PTN: variants seen among roughly 807,000 people sequenced by gnomAD.
The protein encoded by PTN is pleiotrophin.
In PTN, 18 loss-of-function variants were observed where a neutral mutation model predicts 24.1. The ratio of observed to expected loss-of-function variants is 0.75; its 90% CI spans 0.52 to 1.11. The LOEUF is 1.11. Ranked by LOEUF, PTN falls within the 50% of genes least tolerant of loss-of-function variation. The pLI is 0.00. For synonymous variants in PTN, 78 were observed against 68.6 expected (o/e 1.14, Z -0.67); for missense variants, 163 against 198.8 (o/e 0.82, Z 1.08).
At chr7:137,259,597 C>G (rs1386722581) in intron 1 of PTN, among the ~76,000 whole-genome samples, 1 of 151,142 alleles carries the variant, frequency 6.6e-6, no homozygotes, top group African/African-American at 2.4e-5. Context: ...TTATTACTTA[C>G]TACAAAGAAG....
At chr7:137,317,891 G>A (rs767396515) in intron 1 of PTN, among the ~76,000 whole-genome samples, 2 of 152,134 alleles carry the variant, frequency 1.3e-5, no homozygotes, top group East Asian at 1.9e-4. Context: ...AGTACCCTGG[G>A]AGTTCAAGGA....
At chr7:137,336,779 C>T (rs1433369365) in intron 1 of PTN, among the ~76,000 whole-genome samples, 1 of 152,146 alleles carries the variant, frequency 6.6e-6, no homozygotes, top group African/African-American at 2.4e-5. Flanking sequence ...TGCTGCTTCA[C>T]CATGATCATC....
intron 1 of PTN, among the ~76,000 whole-genome samples, chr7:137,300,524 AC>A (rs1809789326): frequency 1.3e-5 from 2 of 151,996 alleles, no homozygotes; most frequent in South Asian, 2.1e-4. Flanking sequence ...AGGAGCAAGA[AC>A]CTAACTCTTC....
At chr7:137,333,844 A>C (rs1810400965) in intron 1 of PTN, among the ~76,000 whole-genome samples, 1 of 152,204 alleles carries the variant, frequency 6.6e-6, no homozygotes, top group Non-Finnish European at 1.5e-5. Context: ...CAAAACAGAG[A>C]TATAGATCAA....
In PTN at chr7:137,339,336, T is replaced by C. The variant is rs114220688; in HGVS notation, c.-2+4103A>G. ...GTTCTATTTCTTAAACATGCTACAT[T>C]GTCCAGCACAATGTAGTATTAGGCA... On this transcript the variant is annotated intron_variant, in intron 1 of 4. Transcript: ENST00000348225. 6.4e-3 allele frequency among the ~76,000 whole-genome samples: 974 copies of C among 152,130 alleles called. 11 individuals carry two copies. The highest frequency in any genetic ancestry group is 0.023 in the African/African-American group (936 of 41,516).
chr7:137,232,019 C>A (rs370009840), intron 4 of PTN, among the ~76,000 whole-genome samples: 8 of 152,026 alleles, frequency 5.3e-5, no homozygotes, highest in African/African-American at 1.7e-4. Context: ...ATAGCGGCTA[C>A]TCTAGAAGGT....
intron 1 of PTN, among the ~76,000 whole-genome samples, chr7:137,293,477 T>TACTA (rs1809672740): frequency 6.6e-6 from 1 of 152,132 alleles, no homozygotes; most frequent in Non-Finnish European, 1.5e-5. Context: ...CTTGAAATGC[T>TACTA]AGTAATTAGA....
chr7:137,279,003 C>T (rs1177998387), intron 1 of PTN, among the ~76,000 whole-genome samples: 1 of 146,922 alleles, frequency 6.8e-6, no homozygotes, highest in Non-Finnish European at 1.5e-5. Context: ...ACGGACCAAT[C>T]CAGAATCATA....
chr7:137,253,399 C>T (rs1585013727), intron 3 of PTN, 65 bp downstream of exon 3: 6 of 1,458,492 alleles, frequency 4.1e-6, no homozygotes, highest in Non-Finnish European at 5.5e-6. Flanking sequence ...CTTAAAAAGA[C>T]ATTTGGTGGA....
chr7:137,288,357 C>T (rs1237099940), intron 1 of PTN, among the ~76,000 whole-genome samples: 4 of 152,168 alleles, frequency 2.6e-5, no homozygotes. Flanking sequence ...GAGAGGAACT[C>T]AGGAGCTCTG....
At chr7:137,248,876 T>C (rs1355049422) in intron 4 of PTN, among the ~76,000 whole-genome samples, 1 of 152,154 alleles carries the variant, frequency 6.6e-6, no homozygotes, top group Non-Finnish European at 1.5e-5. Flanking sequence ...ATAGTAATCA[T>C]ATTTTCAATT....
chr7:137,288,787 AT>A (rs2128876992), intron 1 of PTN, among the ~76,000 whole-genome samples: 1 of 152,308 alleles, frequency 6.6e-6, no homozygotes, highest in African/African-American at 2.4e-5. Context: ...TAACGTATTC[AT>A]TAATAATGAT....
chr7:137,316,265 G>T, intron 1 of PTN, among the ~76,000 whole-genome samples: 1 of 152,244 alleles, frequency 6.6e-6, no homozygotes, highest in African/African-American at 2.4e-5. Context: ...AAAATTCTGA[G>T]GACCCTGAAC....
intron 4 of PTN, among the ~76,000 whole-genome samples, chr7:137,249,677 G>T (rs1195902821): frequency 1.3e-5 from 2 of 152,140 alleles, no homozygotes; most frequent in Non-Finnish European, 2.9e-5. Flanking sequence ...GGTAGATAGG[G>T]CACTGATTTT....
chr7:137,277,939 A>C (rs1809392075), intron 1 of PTN, among the ~76,000 whole-genome samples: 1 of 152,080 alleles, frequency 6.6e-6, no homozygotes, highest in Non-Finnish European at 1.5e-5. Context: ...AGATAGATAG[A>C]TAGATAGATA....
chr7:137,301,185 G>T (rs1489883966), intron 1 of PTN, among the ~76,000 whole-genome samples: 3 of 151,944 alleles, frequency 2.0e-5, no homozygotes, highest in Non-Finnish European at 2.9e-5. Context: ...AATAAAATAG[G>T]CAATGTGGGG....
chr7:137,255,014 C>G (rs1025087512), intron 1 of PTN, 40 bp from the exon 2 acceptor site: 1 of 1,411,690 alleles, frequency 7.1e-7, no homozygotes, highest in Non-Finnish European at 9.6e-7. Context: ...TGGCATTAAC[C>G]TAAGTCAGAA....
intron 1 of PTN, among the ~76,000 whole-genome samples, chr7:137,317,811 T>A (rs1260682080): frequency 6.6e-6 from 1 of 152,076 alleles, no homozygotes; most frequent in East Asian, 1.9e-4. Context: ...TAGTTTATAG[T>A]CTTTGCAGGA....
At chr7:137,280,724 A>AAAAAAAAAAAAAAAC (rs1809458036) in intron 1 of PTN, among the ~76,000 whole-genome samples, 1 of 138,082 alleles carries the variant, frequency 7.2e-6, no homozygotes, top group Non-Finnish European at 1.6e-5. Context: ...AAAAAAAAAA[A>AAAAAAAAAAAAAAAC]AGCTGAGTGT....
Sources: allele counts gnomAD v4.1 joint callset (sites outside exome capture counted in the v4.1 genomes callset), GRCh38; gene constraint gnomAD v4.1.1; transcripts MANE v1.5; gene names NCBI Gene and HGNC (gene_info 2026-07-23, HGNC 2026-07-21).